Variants in NBEA observed in about 807,000 individuals in gnomAD.
NBEA encodes the protein neurobeachin.
NBEA carries 44 observed loss-of-function variants against 343.4 expected under a neutral mutation model. The ratio of observed to expected loss-of-function variants is 0.13; its 90% CI spans 0.10 to 0.16. The LOEUF is 0.16. Ranked by LOEUF, NBEA falls within the 10% of genes least tolerant of loss-of-function variation. The pLI, the probability that NBEA is intolerant of heterozygous loss-of-function variation, is 1.00. For missense variants in NBEA, 2,555 were observed against 3,631.3 expected (o/e 0.70, Z 7.62); for synonymous variants, 1,175 against 1,238.7 (o/e 0.95, Z 1.08).
intron 34 of NBEA, among the ~76,000 whole-genome samples, chr13:35,278,087 C>CAA (rs1474316594): frequency 1.1e-4 from 16 of 146,794 alleles, no homozygotes; most frequent in Admixed American, 2.1e-4. Context: ...AACTCCATCT[C>CAA]AAAAAATATA....
Position 35,651,843 on chromosome 13 carries a change from C to T in NBEA, c.8002C>T (p.His2668Tyr). The T allele has an allele frequency of 1.3e-6, 2 of 1,546,022 alleles. No homozygotes were observed. The highest frequency in any genetic ancestry group is 1.8e-6 in the Non-Finnish European group (2 of 1,141,998). ...GAPGYSLDQA[H>Y]HLPIEMDPLI... Reference sequence around the variant, plus strand: ...TCCAGGATACTCCTTGGATCAAGCCCACCATCTTCCCATTGAAATGGATCC... The same window carrying T: ...TCCAGGATACTCCTTGGATCAAGCCTACCATCTTCCCATTGAAATGGATCC... Residue 2668 changes from histidine to tyrosine, a missense_variant, in exon 53 of 59, where the codon CAC becomes TAC. Physicochemically the swap from His to Tyr is moderately conservative, Grantham distance 83. This residue lies in a region of NBEA where 61 missense variants were observed against 132.1 expected (regional missense o/e 0.46). Coordinates refer to ENST00000379939, the MANE Select transcript of NBEA (RefSeq NM_001385012.1).
At chr13:35,495,322 T>C (rs934599365) in intron 41 of NBEA, among the ~76,000 whole-genome samples, 2 of 151,978 alleles carry the variant, frequency 1.3e-5, no homozygotes, top group African/African-American at 4.8e-5. Context: ...AGGGGAGTTA[T>C]AACAATTATA....
intron 38 of NBEA, among the ~76,000 whole-genome samples, chr13:35,398,643 G>A (rs1230972722): frequency 6.6e-6 from 1 of 152,030 alleles, no homozygotes; most frequent in Admixed American, 6.6e-5. Context: ...TTTTTTCTGA[G>A]TAGTAGGTCT....
chr13:35,378,410 C>G (rs2152889559), intron 38 of NBEA, among the ~76,000 whole-genome samples: 1 of 152,248 alleles, frequency 6.6e-6, no homozygotes, highest in Admixed American at 6.5e-5. Flanking sequence ...TGGTTTTGTC[C>G]TGGTATCTTT....
chr13:35,016,303 A>T (rs41341247), intron 1 of NBEA, among the ~76,000 whole-genome samples: 5,944 of 152,242 alleles, frequency 0.039, 377 homozygotes, highest in African/African-American at 0.13. Flanking sequence ...AATGAGGATA[A>T]CTTGTAAAGC....
intron 10 of NBEA, among the ~76,000 whole-genome samples, chr13:35,080,922 T>G (rs573361244): frequency 6.6e-6 from 1 of 152,246 alleles, no homozygotes; most frequent in Admixed American, 6.6e-5. Context: ...GTATGATCCC[T>G]TCCAGCAACT....
rs2061649451 is a variant in NBEA at position 35,016,177 on chromosome 13, ATTGAGT to A, written c.295-24753_295-24748del. ...CTTTTGTGAGTTACACTTTGATGTGATTGAGTTTATTTCTTTGTAATTATATTCTAT... is the reference window on the plus strand; with the variant it reads ...CTTTTGTGAGTTACACTTTGATGTGATTATTTCTTTGTAATTATATTCTAT... On this transcript the variant is annotated intron_variant, in intron 1 of 58. Coordinates refer to ENST00000379939, the MANE Select transcript of NBEA (RefSeq NM_001385012.1). Among the ~76,000 whole-genome samples, 8 of 152,122 alleles carry A rather than the reference ATTGAGT, an allele frequency of 5.3e-5. No homozygotes were observed. In the South Asian group the frequency reaches 1.7e-3, roughly 32 times the overall value.
chr13:35,399,944 G>A (rs1265217098), intron 38 of NBEA, among the ~76,000 whole-genome samples: 1 of 152,014 alleles, frequency 6.6e-6, no homozygotes, highest in Admixed American at 6.6e-5. Flanking sequence ...AGTTGGTGTA[G>A]CAGTCAGAAA....
Position 35,639,721 on chromosome 13 carries a change from G to T in NBEA, c.7618-6148G>T, listed in dbSNP as rs939453149. Among the ~76,000 whole-genome samples the T allele has an allele frequency of 2.0e-5, 3 of 152,040 alleles. No homozygotes were observed. In the East Asian group the frequency reaches 5.8e-4, roughly 29 times the overall value. On this transcript the variant is annotated intron_variant, in intron 49 of 58. Coordinates refer to ENST00000379939, the MANE Select transcript of NBEA (RefSeq NM_001385012.1). ...TTCTTGAATTTTCTGAAAATTGTTA[G>T]TGAATTTACTGGTATTTGGACGTAG... is the stretch of plus-strand genomic sequence containing the variant.
rs368594146 is a variant in NBEA at position 35,196,161 on chromosome 13, A to G, written c.5225A>G (p.Asn1742Ser). 2.0e-5 allele frequency: 33 copies of G among 1,613,578 alleles called. No homozygotes were observed. The highest frequency in any genetic ancestry group is 1.1e-4 in the South Asian group (10 of 91,082). The change falls in exon 31 of 59, where the codon AAT becomes AGT. Residue 1742 changes from asparagine (N) to serine (S), a missense_variant. This residue lies in a region of NBEA where 270 missense variants were observed against 293.3 expected (regional missense o/e 0.92). Coordinates refer to ENST00000379939, the MANE Select transcript of NBEA (RefSeq NM_001385012.1). ...ISSISQTKGI[N>S]VKEILKSLVA... ...AGCATTAGTCAAACCAAAGGCATCAATGTGAAGGAAATACTGAAAAGTCTT... is the reference window on the plus strand; with the variant it reads ...AGCATTAGTCAAACCAAAGGCATCAGTGTGAAGGAAATACTGAAAAGTCTT...
intron 38 of NBEA, among the ~76,000 whole-genome samples, chr13:35,384,616 C>G (rs1054282540): frequency 6.6e-6 from 1 of 150,574 alleles, no homozygotes; most frequent in African/African-American, 2.4e-5. Context: ...ACCTCCGCCT[C>G]CCAGGTTCAG....
intron 1 of NBEA, among the ~76,000 whole-genome samples, chr13:34,994,326 G>A (rs1013792137): frequency 5.3e-5 from 8 of 151,180 alleles, no homozygotes; most frequent in African/African-American, 1.2e-4. Flanking sequence ...TGTGGAACGA[G>A]TTTATACTAA....
chr13:35,373,727 A>G (rs2041580960), intron 38 of NBEA, among the ~76,000 whole-genome samples: 3 of 151,800 alleles, frequency 2.0e-5, no homozygotes. Flanking sequence ...AATAATAATA[A>G]TAACAAAAAC....
chr13:35,157,303 G>A (rs781021385), intron 21 of NBEA, 33 bp downstream of exon 21: 7 of 1,446,306 alleles, frequency 4.8e-6, no homozygotes, highest in Non-Finnish European at 6.5e-6. Context: ...AACATCATCA[G>A]AGTTATTGCA....
At chr13:35,334,567 G>T (rs1043270187) in intron 36 of NBEA, among the ~76,000 whole-genome samples, 6 of 152,172 alleles carry the variant, frequency 3.9e-5, no homozygotes, top group African/African-American at 1.4e-4. Context: ...ACCATGCCCA[G>T]CCTCGTTGTA....
chr13:35,188,158 A>G (rs899043710), intron 30 of NBEA, among the ~76,000 whole-genome samples: 14 of 151,824 alleles, frequency 9.2e-5, no homozygotes, highest in Non-Finnish European at 1.5e-5. Flanking sequence ...TAGTTTATGT[A>G]TTTATGGTGT....
intron 40 of NBEA, among the ~76,000 whole-genome samples, chr13:35,456,993 T>G (rs575933437): frequency 2.0e-5 from 3 of 149,088 alleles, no homozygotes; most frequent in South Asian, 4.3e-4. Flanking sequence ...TTTATATATA[T>G]ATAGATATAT....
intron 34 of NBEA, among the ~76,000 whole-genome samples, chr13:35,262,222 A>G (rs528302481): frequency 6.6e-6 from 1 of 152,346 alleles, no homozygotes; most frequent in Admixed American, 6.5e-5. Context: ...GTTGTCATCC[A>G]TGGCTTTGAG....
chr13:35,355,793 T>G (rs1219804458), intron 38 of NBEA, among the ~76,000 whole-genome samples: 1 of 152,000 alleles, frequency 6.6e-6, no homozygotes, highest in Admixed American at 6.6e-5. Flanking sequence ...TTTCATTTTC[T>G]TCAGGCCTTA....
Sources: gnomAD v4.1 joint callset for allele counts (sites outside exome capture counted in the v4.1 genomes callset) on GRCh38, gnomAD v4.1.1 for gene constraint, gnomAD v4.1.1 regional missense constraint, MANE v1.5 for transcripts, NCBI Gene and HGNC (gene_info 2026-07-23, HGNC 2026-07-21) for gene names.